SMG6: variants seen among roughly 807,000 people sequenced by gnomAD.
The protein encoded by SMG6 is telomerase-binding protein EST1A.
SMG6 carries 66 observed loss-of-function variants against 142.2 expected under a neutral mutation model. The ratio of observed to expected loss-of-function variants is 0.46; its 90% CI spans 0.38 to 0.57. SMG6 has a LOEUF of 0.57. SMG6 is among the 20% of genes least tolerant of loss of function. The pLI, the probability that SMG6 is intolerant of heterozygous loss-of-function variation, is 0.00. For synonymous variants in SMG6, 779 were observed against 702.4 expected (o/e 1.11, Z -1.72); for missense variants, 1,793 against 1,832.0 (o/e 0.98, Z 0.39).
At position 2,203,166 on chromosome 17, in the gene SMG6, AAAAT is replaced by A. The variant is rs978821392; in HGVS notation, c.2870-14655_2870-14652del. The stretch of plus-strand genomic sequence containing the variant: ...AATGGTACTCCAATAGATTTCCTGG[AAAAT>A]AAATAAATAAGTAAGTTGCCAGTCA... On this transcript the variant is annotated intron_variant, in intron 10 of 18. Coordinates refer to ENST00000263073, the MANE Select transcript of SMG6 (RefSeq NM_017575.5). Among the ~76,000 whole-genome samples the A allele has an allele frequency of 2.3e-4, 35 of 152,350 alleles. 2 individuals are homozygous for A. The highest frequency in any genetic ancestry group is 1.8e-3 in the Admixed American group (27 of 15,304).
chr17:2,179,696 C>A (rs377625098), intron 12 of SMG6, among the ~76,000 whole-genome samples: 1 of 152,106 alleles, frequency 6.6e-6, no homozygotes, highest in East Asian at 1.9e-4. Flanking sequence ...TGGTGAAACG[C>A]GGGCTCTCCA....
chr17:2,255,091 T>C (rs896283781), intron 8 of SMG6, among the ~76,000 whole-genome samples: 2 of 152,098 alleles, frequency 1.3e-5, no homozygotes, highest in South Asian at 2.1e-4. Flanking sequence ...CAGGGCATGT[T>C]GGACAGGTCC....
chr17:2,145,643 C>CAA (rs61451940), intron 13 of SMG6, among the ~76,000 whole-genome samples: 275 of 23,624 alleles, frequency 0.012, 26 homozygotes, highest in Non-Finnish European at 0.016. Flanking sequence ...TCCATCTCCC[C>CAA]AAAAAAAAAA....
intron 13 of SMG6, among the ~76,000 whole-genome samples, chr17:2,113,243 ATTTTTT>A (rs1166603365): frequency 6.8e-6 from 1 of 147,218 alleles, no homozygotes; most frequent in Non-Finnish European, 1.5e-5. Context: ...TGCCTGGCCA[ATTTTTT>A]TTTTTATTTT....
chr17:2,270,668 C>T (rs2074524891), intron 8 of SMG6, among the ~76,000 whole-genome samples: 1 of 152,158 alleles, frequency 6.6e-6, no homozygotes, highest in African/African-American at 2.4e-5. Flanking sequence ...TCTGTGTGAT[C>T]TCTTTCAACC....
At chr17:2,127,385 T>C (rs988773326) in intron 13 of SMG6, 4 of 642,570 alleles carry the variant, frequency 6.2e-6, no homozygotes, top group South Asian at 1.4e-5. Context: ...ATGGTTGAAA[T>C]GGTAAATCCT....
chr17:2,074,140 G>C (rs1013205087), intron 15 of SMG6, among the ~76,000 whole-genome samples: 1 of 151,860 alleles, frequency 6.6e-6, no homozygotes, highest in Non-Finnish European at 1.5e-5. Context: ...GCAGTGGTGC[G>C]ATCACAGGTC....
At chr17:2,236,282 C>T (rs1481846210) in intron 10 of SMG6, among the ~76,000 whole-genome samples, 1 of 151,880 alleles carries the variant, frequency 6.6e-6, no homozygotes, top group Non-Finnish European at 1.5e-5. Flanking sequence ...CCATGATTCC[C>T]TCCTTCCATC....
intron 11 of SMG6, among the ~76,000 whole-genome samples, chr17:2,187,132 T>C (rs561194081): frequency 6.7e-4 from 102 of 152,308 alleles, no homozygotes; most frequent in South Asian, 1.7e-3. Context: ...AGTACCAAGA[T>C]GGCACCAGAG....
At chr17:2,228,658 T>C (rs576160150) in intron 10 of SMG6, among the ~76,000 whole-genome samples, 21 of 152,356 alleles carry the variant, frequency 1.4e-4, no homozygotes, top group Admixed American at 9.8e-4. Context: ...CCACCGTGCC[T>C]GGCCCCAAAT....
chr17:2,165,626 C>G (rs2071312999), intron 13 of SMG6, among the ~76,000 whole-genome samples: 1 of 152,168 alleles, frequency 6.6e-6, no homozygotes. Context: ...TATACTTGAG[C>G]AAGGGATTTC....
chr17:2,293,628 C>A (rs2075087645), intron 4 of SMG6, among the ~76,000 whole-genome samples: 1 of 152,044 alleles, frequency 6.6e-6, no homozygotes, highest in Non-Finnish European at 1.5e-5. Flanking sequence ...CGCCACCATG[C>A]CTGGCTAATT....
chr17:2,168,576 T>C (rs1429263457), intron 13 of SMG6, among the ~76,000 whole-genome samples: 1 of 152,156 alleles, frequency 6.6e-6, no homozygotes, highest in Non-Finnish European at 1.5e-5. Context: ...TCATCATTCT[T>C]TTCTCTTGAG....
chr17:2,248,688 T>C (rs2073976048), intron 8 of SMG6, among the ~76,000 whole-genome samples: 1 of 152,240 alleles, frequency 6.6e-6, no homozygotes, highest in Non-Finnish European at 1.5e-5. Context: ...TTATTTTTAG[T>C]CTGAAGGTCA....
chr17:2,194,542 T>C (rs1330423479), intron 10 of SMG6, among the ~76,000 whole-genome samples: 2 of 151,268 alleles, frequency 1.3e-5, no homozygotes, highest in African/African-American at 4.9e-5. Context: ...ATATGAAAAT[T>C]ACCGCAGAAA....
At chr17:2,303,468 C>T (rs898439403) in intron 1 of SMG6, 165 bp downstream of exon 1, 2 of 1,320,194 alleles carry the variant, frequency 1.5e-6, no homozygotes, top group South Asian at 2.1e-5. Context: ...CGCACTAACC[C>T]GCGAGAGAGG....
At chr17:2,127,948 G>C (rs2069955884) in intron 13 of SMG6, 2 of 557,632 alleles carry the variant, frequency 3.6e-6, no homozygotes, top group Admixed American at 3.9e-5. Context: ...AATGATTTCT[G>C]CTTGCTGAGT....
intron 1 of SMG6, among the ~76,000 whole-genome samples, chr17:2,301,484 T>C (rs867184537): frequency 6.6e-6 from 1 of 152,182 alleles, no homozygotes; most frequent in Non-Finnish European, 1.5e-5. Flanking sequence ...GATGGAAAGA[T>C]TGTGACATAC....
chr17:2,170,306 T>TG (rs1485791708), intron 13 of SMG6, among the ~76,000 whole-genome samples: 1 of 152,160 alleles, frequency 6.6e-6, no homozygotes, highest in East Asian at 1.9e-4. Flanking sequence ...ACGTGGTATC[T>TG]GACACTAGAG....
Sources: gnomAD v4.1 joint callset for allele counts (sites outside exome capture counted in the v4.1 genomes callset) on GRCh38, gnomAD v4.1.1 for gene constraint, MANE v1.5 for transcripts, NCBI Gene and HGNC (gene_info 2026-07-23, HGNC 2026-07-21) for gene names.